CADM1: variants seen among roughly 807,000 people sequenced by gnomAD.
CADM1 encodes the protein cell adhesion molecule 1, also known as TSLC-1.
A neutral mutation model predicts 53.1 loss-of-function variants in CADM1; 15 were observed. The observed-to-expected ratio is 0.28, with a 90% CI of 0.19 to 0.44. CADM1 has a LOEUF of 0.44. Ranked by LOEUF, CADM1 falls within the 20% of genes least tolerant of loss-of-function variation. The pLI is 1.00. For synonymous variants in CADM1, 281 were observed against 243.0 expected (o/e 1.16, Z -1.45); for missense variants, 434 against 611.3 (o/e 0.71, Z 3.06).
chr11:115,501,491 C>A (rs969060783), intron 1 of CADM1, among the ~76,000 whole-genome samples: 1 of 152,176 alleles, frequency 6.6e-6, no homozygotes, highest in African/African-American at 2.4e-5. Context: ...GGATCGTAAA[C>A]AACATCATGC....
intron 1 of CADM1, among the ~76,000 whole-genome samples, chr11:115,285,915 C>T (rs777625236): frequency 6.6e-6 from 1 of 152,134 alleles, no homozygotes; most frequent in Admixed American, 6.5e-5. Context: ...AGTGATGTTA[C>T]TTTACTTTTC....
chr11:115,194,831 C>T (rs894175280), intron 9 of CADM1, among the ~76,000 whole-genome samples: 2 of 152,114 alleles, frequency 1.3e-5, no homozygotes, highest in Admixed American at 6.5e-5. Flanking sequence ...AGAGGGGACA[C>T]ACAGGGCAGA....
intron 1 of CADM1, among the ~76,000 whole-genome samples, chr11:115,375,411 G>T (rs1023162336): frequency 5.9e-5 from 9 of 152,086 alleles, no homozygotes; most frequent in Non-Finnish European, 1.2e-4. Flanking sequence ...CAAAGTTCTT[G>T]ACCTCGGTAA....
At chr11:115,262,580 C>T (rs189493365) in intron 1 of CADM1, among the ~76,000 whole-genome samples, 3 of 152,262 alleles carry the variant, frequency 2.0e-5, no homozygotes, top group Non-Finnish European at 2.9e-5. Context: ...TAAAAGCAAG[C>T]GATGAACAAA....
intron 1 of CADM1, among the ~76,000 whole-genome samples, chr11:115,481,137 C>T (rs921873176): frequency 6.6e-6 from 1 of 152,138 alleles, no homozygotes; most frequent in African/African-American, 2.4e-5. Context: ...CTCACCCTAC[C>T]TTTACCAGTC....
At chr11:115,194,329 C>T (rs989035507) in intron 9 of CADM1, among the ~76,000 whole-genome samples, 4 of 152,120 alleles carry the variant, frequency 2.6e-5, no homozygotes, top group African/African-American at 4.8e-5. Flanking sequence ...GAAAATTGTA[C>T]GTGCTTTTAG....
At chr11:115,211,642 G>T (rs938231051) in intron 7 of CADM1, among the ~76,000 whole-genome samples, 1 of 146,262 alleles carries the variant, frequency 6.8e-6, no homozygotes, top group African/African-American at 2.5e-5. Flanking sequence ...ACCACACCCA[G>T]CTAATTTTTG....
At chr11:115,230,660 G>A (rs781014399) in intron 4 of CADM1, among the ~76,000 whole-genome samples, 4 of 152,214 alleles carry the variant, frequency 2.6e-5, no homozygotes, top group Non-Finnish European at 5.9e-5. Context: ...GGATGGCCCA[G>A]TACAGAGGTA....
chr11:115,333,300 G>C (rs952209778), intron 1 of CADM1, among the ~76,000 whole-genome samples: 2 of 152,118 alleles, frequency 1.3e-5, no homozygotes, highest in Non-Finnish European at 2.9e-5. Flanking sequence ...AGTGCCTACA[G>C]GATGAAGCAC....
At chr11:115,434,675 C>A (rs1427354545) in intron 1 of CADM1, among the ~76,000 whole-genome samples, 1 of 152,032 alleles carries the variant, frequency 6.6e-6, no homozygotes, top group Non-Finnish European at 1.5e-5. Flanking sequence ...AGGACTTGGT[C>A]ACCATCAGCC....
chr11:115,328,799 G>C (rs1945055551), intron 1 of CADM1, among the ~76,000 whole-genome samples: 1 of 110,988 alleles, frequency 9.0e-6, no homozygotes, highest in Admixed American at 9.8e-5. Context: ...GGCTAAAAAA[G>C]TCCCTAAGAA....
At chr11:115,347,743 A>G (rs1258081850) in intron 1 of CADM1, among the ~76,000 whole-genome samples, 1 of 152,164 alleles carries the variant, frequency 6.6e-6, no homozygotes, top group Non-Finnish European at 1.5e-5. Flanking sequence ...ACACCATGTC[A>G]CTCATGTAAG....
chr11:115,421,459 T>C (rs568862651), intron 1 of CADM1, among the ~76,000 whole-genome samples: 5 of 152,308 alleles, frequency 3.3e-5, no homozygotes, highest in Non-Finnish European at 5.9e-5. Flanking sequence ...CCACACCTTT[T>C]CACAGTAGCT....
At chr11:115,242,336 G>GAAAAAAAAAAAAAAAAAAAAGAAAAAAA (rs200660668) in intron 1 of CADM1, among the ~76,000 whole-genome samples, 1 of 57,612 alleles carries the variant, frequency 1.7e-5, no homozygotes, top group Non-Finnish European at 3.8e-5. Context: ...AAGGTGATCA[G>GAAAAAAAAAAAAAAAAAAAAGAAAAAAA]AAAAAAAAAA....
chr11:115,494,518 A>G (rs1485666064), intron 1 of CADM1, among the ~76,000 whole-genome samples: 1 of 152,152 alleles, frequency 6.6e-6, no homozygotes, highest in Non-Finnish European at 1.5e-5. Flanking sequence ...CAGTTTCCCC[A>G]AGATTACAAA....
chr11:115,248,376 A>G (rs1409449783), intron 1 of CADM1, among the ~76,000 whole-genome samples: 2 of 152,208 alleles, frequency 1.3e-5, no homozygotes, highest in Non-Finnish European at 2.9e-5. Context: ...CAGGGCCCAC[A>G]TCACTAAAAG....
intron 8 of CADM1, among the ~76,000 whole-genome samples, chr11:115,203,819 G>A (rs559672046): frequency 2.5e-4 from 38 of 152,094 alleles, no homozygotes; most frequent in African/African-American, 8.7e-4. Flanking sequence ...GTCAAAAGCT[G>A]GTTAGCTATG....
intron 1 of CADM1, among the ~76,000 whole-genome samples, chr11:115,322,058 T>C (rs940143641): frequency 1.3e-5 from 2 of 152,166 alleles, no homozygotes; most frequent in South Asian, 2.1e-4. Context: ...AAGCACAGAA[T>C]GATTCTATCA....
At chr11:115,407,164 A>G (rs1213475367) in intron 1 of CADM1, among the ~76,000 whole-genome samples, 1 of 152,198 alleles carries the variant, frequency 6.6e-6, no homozygotes, top group Non-Finnish European at 1.5e-5. Flanking sequence ...AGCCATAGAC[A>G]TGCTACAGAG....
Sources: gnomAD v4.1 joint callset for allele counts (sites outside exome capture counted in the v4.1 genomes callset) on GRCh38, gnomAD v4.1.1 for gene constraint, MANE v1.5 for transcripts, NCBI Gene and HGNC (gene_info 2026-07-23, HGNC 2026-07-21) for gene names.